The following LDB2 variants were observed in gnomAD, a reference collection of about 807,000 sequenced individuals.
LDB2 encodes the protein LIM domain-binding protein 2.
LDB2 carries 12 observed loss-of-function variants against 44.3 expected under a neutral mutation model. The ratio of observed to expected loss-of-function variants is 0.27; its 90% CI spans 0.17 to 0.44. The LOEUF (loss-of-function observed/expected upper bound fraction) is 0.44, where lower values mean the gene tolerates loss of function less well. LDB2 is among the 20% of genes least tolerant of loss of function. The pLI is 1.00. For synonymous variants in LDB2, 164 were observed against 174.8 expected (o/e 0.94, Z 0.49); for missense variants, 344 against 473.5 (o/e 0.73, Z 2.54).
In LDB2 at chr4:16,512,031, C is replaced by T; in HGVS notation, c.689G>A (p.Cys230Tyr). ...CTTCTGAAACAAGCAGGTCTTCAGGCAGTCTCGGGGACTGAGGTTGTAAGT... is the reference window on the plus strand; with the variant it reads ...CTTCTGAAACAAGCAGGTCTTCAGGTAGTCTCGGGGACTGAGGTTGTAAGT... The part of the protein sequence containing the change: ...HKTYNLSPRD[C>Y]LKTCLFQKWQ... The change falls in exon 6 of 8, where the codon TGC becomes TAC. Residue 230 changes from cysteine (C) to tyrosine (Y), a missense_variant. Transcript: ENST00000304523. The T allele has an allele frequency of 6.2e-7, 1 of 1,613,732 alleles. No individual in the cohort carries two copies. Among genetic ancestry groups the T allele is most frequent in the Non-Finnish European group, 8.5e-7 (1 of 1,179,766 alleles).
At chr4:16,770,965 G>A (rs1235457719) in intron 1 of LDB2, among the ~76,000 whole-genome samples, 1 of 152,108 alleles carries the variant, frequency 6.6e-6, no homozygotes, top group Non-Finnish European at 1.5e-5. Flanking sequence ...AATGTCATGA[G>A]GCAGCAAGTC....
At chr4:16,751,187 G>A (rs899189105) in intron 2 of LDB2, among the ~76,000 whole-genome samples, 3 of 152,140 alleles carry the variant, frequency 2.0e-5, no homozygotes, top group Non-Finnish European at 4.4e-5. Flanking sequence ...ATTTAAGCCT[G>A]TACGTTTGAC....
intron 5 of LDB2, among the ~76,000 whole-genome samples, chr4:16,531,893 T>C (rs1348364432): frequency 4.4e-4 from 67 of 152,080 alleles, no homozygotes; most frequent in Non-Finnish European, 1.6e-4. Flanking sequence ...CCACCCATAG[T>C]TTTTCCATGG....
chr4:16,728,086 C>A (rs959422511), intron 2 of LDB2, among the ~76,000 whole-genome samples: 6 of 152,020 alleles, frequency 3.9e-5, no homozygotes, highest in African/African-American at 1.5e-4. Context: ...GCATTTGTTA[C>A]TTAATTTTGC....
intron 1 of LDB2, among the ~76,000 whole-genome samples, chr4:16,816,480 C>A (rs1780938171): frequency 6.9e-6 from 1 of 145,832 alleles, no homozygotes; most frequent in Admixed American, 7.1e-5. Context: ...ACGATCTCAG[C>A]TCACTGCAAC....
intron 6 of LDB2, among the ~76,000 whole-genome samples, chr4:16,511,014 C>T (rs1211951309): frequency 6.6e-6 from 1 of 151,896 alleles, no homozygotes; most frequent in African/African-American, 2.4e-5. Context: ...AATAATATTC[C>T]AAAAGTCTAA....
At chr4:16,666,689 C>A (rs1368636733) in intron 2 of LDB2, among the ~76,000 whole-genome samples, 2 of 152,076 alleles carry the variant, frequency 1.3e-5, no homozygotes, top group Admixed American at 6.6e-5. Flanking sequence ...GGAGACATGC[C>A]CTTGGAAAGA....
chr4:16,814,149 C>T (rs527951763), intron 1 of LDB2, among the ~76,000 whole-genome samples: 6 of 152,262 alleles, frequency 3.9e-5, no homozygotes, highest in South Asian at 4.1e-4. Context: ...GGATTACAGG[C>T]GTGAGCCACC....
intron 1 of LDB2, among the ~76,000 whole-genome samples, chr4:16,858,966 T>A (rs1389606623): frequency 6.6e-6 from 1 of 152,110 alleles, no homozygotes; most frequent in Non-Finnish European, 1.5e-5. Context: ...AAATAAAGAG[T>A]CTTCAGATAG....
At chr4:16,725,993 T>C (rs1300773653) in intron 2 of LDB2, among the ~76,000 whole-genome samples, 1 of 149,356 alleles carries the variant, frequency 6.7e-6, no homozygotes, top group Non-Finnish European at 1.5e-5. Context: ...ATCCATTATA[T>C]ACTTATATAT....
intron 1 of LDB2, among the ~76,000 whole-genome samples, chr4:16,847,264 AT>A (rs796958522): frequency 7.3e-5 from 10 of 137,252 alleles, no homozygotes; most frequent in African/African-American, 3.5e-4. Flanking sequence ...TCAGCATAAT[AT>A]TTTTTTTCAT....
intron 2 of LDB2, among the ~76,000 whole-genome samples, chr4:16,645,161 A>T (rs1736355197): frequency 6.6e-6 from 1 of 152,250 alleles, no homozygotes; most frequent in Non-Finnish European, 1.5e-5. Context: ...AGTCCCGAGG[A>T]TTCTGACTCC....
At chr4:16,850,563 A>G (rs1445921206) in intron 1 of LDB2, among the ~76,000 whole-genome samples, 1 of 152,190 alleles carries the variant, frequency 6.6e-6, no homozygotes, top group African/African-American at 2.4e-5. Context: ...TAGAAATTTG[A>G]ACAGTCTAAG....
At chr4:16,644,670 T>C (rs1736193182) in intron 2 of LDB2, among the ~76,000 whole-genome samples, 1 of 152,200 alleles carries the variant, frequency 6.6e-6, no homozygotes, top group South Asian at 2.1e-4. Flanking sequence ...CCTCAAGTCA[T>C]CCACCTGCCT....
chr4:16,703,047 C>A lies in LDB2; in HGVS notation c.235+56111G>T, dbSNP rs568521860. Among the ~76,000 whole-genome samples the A allele has an allele frequency of 3.9e-5, 6 of 152,216 alleles. No homozygotes were observed. In the South Asian group the frequency reaches 1.2e-3, roughly 32 times the overall value. On this transcript the variant is annotated intron_variant, in intron 2 of 7. Transcript: ENST00000304523. ...CTGTGTATGTCTATACACAACCAAC[C>A]CTCATTTATCCAGCGTCTTCTGTGT... is the stretch of plus-strand genomic sequence containing the variant.
At chr4:16,560,433 A>C (rs1741658032) in intron 5 of LDB2, among the ~76,000 whole-genome samples, 1 of 152,230 alleles carries the variant, frequency 6.6e-6, no homozygotes, top group Non-Finnish European at 1.5e-5. Context: ...AGAATAGTAC[A>C]AACACCTCTA....
At chr4:16,557,648 AC>A (rs1237983689) in intron 5 of LDB2, among the ~76,000 whole-genome samples, 1 of 152,208 alleles carries the variant, frequency 6.6e-6, no homozygotes, top group Non-Finnish European at 1.5e-5. Context: ...GCACAGACAA[AC>A]AAAAAGACAG....
intron 2 of LDB2, among the ~76,000 whole-genome samples, chr4:16,667,566 G>A (rs370274410): frequency 2.0e-5 from 3 of 152,246 alleles, no homozygotes; most frequent in East Asian, 1.9e-4. Flanking sequence ...AAAGAAAAAC[G>A]CAAAAAATTA....
At chr4:16,864,010 C>A (rs942893285) in intron 1 of LDB2, among the ~76,000 whole-genome samples, 2 of 152,138 alleles carry the variant, frequency 1.3e-5, no homozygotes, top group Non-Finnish European at 2.9e-5. Context: ...TCAAAGGAAG[C>A]CCAGCTGCTG....
Sources: gnomAD v4.1 joint callset for allele counts (sites outside exome capture counted in the v4.1 genomes callset) on GRCh38, gnomAD v4.1.1 for gene constraint, MANE v1.5 for transcripts, NCBI Gene and HGNC (gene_info 2026-07-23, HGNC 2026-07-21) for gene names.